WDR81: variants seen among roughly 807,000 people sequenced by gnomAD.
WDR81 encodes the protein WD repeat domain 81, also known as WD repeat-containing protein 81.
A neutral mutation model predicts 140.8 loss-of-function variants in WDR81; 92 were observed. The observed-to-expected ratio is 0.65, with a 90% CI of 0.55 to 0.78. The LOEUF is 0.78. Ranked by LOEUF, WDR81 falls within the 30% of genes least tolerant of loss-of-function variation. WDR81 has a pLI of 0.00. For synonymous variants in WDR81, 1,183 were observed against 1,156.4 expected (o/e 1.02, Z -0.47); for missense variants, 2,502 against 2,636.4 (o/e 0.95, Z 1.12).
chr17:1,734,206 C>T lies in WDR81; in HGVS notation c.5169C>T (p.Asp1723=). ...GTGACGGGGCTGTGCACGTCTGGGA[C>T]CCCTTCACAGGTGAGCGGGCCCAGG... is the stretch of plus-strand genomic sequence containing the variant. The part of the protein sequence containing the change: ...VSCDGAVHVW[D]PFTGKTLRTV... The change falls in exon 7 of 10, where the codon GAC becomes GAT. Residue 1723 remains aspartate (D), a synonymous_variant. Transcript: ENST00000409644. The T allele has an allele frequency of 1.3e-6, 2 of 1,587,000 alleles. No individual in the cohort carries two copies. The highest frequency in any genetic ancestry group is 1.7e-6 in the Non-Finnish European group (2 of 1,172,506).
At position 1,734,163 on chromosome 17, in the gene WDR81, C is replaced by T. The variant is rs1434874803; in HGVS notation, c.5126C>T (p.Pro1709Leu). 1.3e-5 allele frequency: 21 copies of T among 1,598,008 alleles called. No homozygotes were observed. Among genetic ancestry groups the T allele is most frequent in the East Asian group, 4.5e-5 (2 of 44,872 alleles). Residue 1709 changes from proline (P) to leucine (L), a missense_variant, in exon 7 of 10, where the codon CCG becomes CTG. By Grantham distance (98) the Pro-to-Leu change is moderately conservative. Transcript: ENST00000409644. The stretch of plus-strand genomic sequence containing the variant: ...TTCTTCGTGGGCCAGCTTGAGGCCC[C>T]GCAGCACGTGGTGAGCTGTGACGGG... Reference protein sequence around the residue: ...SVFFVGQLEAPQHVVSCDGAV... With the variant: ...SVFFVGQLEALQHVVSCDGAV...
chr17:1,737,106 G>T (rs1449358670), intron 9 of WDR81, among the ~76,000 whole-genome samples: 2 of 152,192 alleles, frequency 1.3e-5, no homozygotes, highest in Non-Finnish European at 1.5e-5. Flanking sequence ...TGTTACGAAG[G>T]TCAAGGTCGT....
In WDR81 at chr17:1,727,774, G is replaced by A. The variant is rs1437058552; in HGVS notation, c.2815G>A (p.Val939Met). ...ACTCATGTCCGAGGAGCACACAGCT[G>A]TGTACACGGCCTGGTATCTGTTTGA... ...LSLMSEEHTA[V>M]YTAWYLFEPV... Residue 939 changes from valine (V) to methionine (M), a missense_variant, in exon 1 of 10, where the codon GTG becomes ATG. By Grantham distance (21) the Val-to-Met change is conservative. Transcript: ENST00000409644. 8 of 1,550,736 alleles carry A rather than the reference G, an allele frequency of 5.2e-6. No homozygotes were observed. Among genetic ancestry groups the A allele is most frequent in the Non-Finnish European group, 7.0e-6 (8 of 1,147,010 alleles).
chr17:1,732,237 A>G, intron 4 of WDR81, 88 bp from the exon 5 acceptor site: 2 of 1,521,984 alleles, frequency 1.3e-6, no homozygotes, highest in Non-Finnish European at 8.8e-7. Flanking sequence ...ACTCCATCTC[A>G]ATAAAAATAA....
chr17:1,717,854 T>A (rs1249647929), intron 1 of WDR81, among the ~76,000 whole-genome samples: 1 of 152,216 alleles, frequency 6.6e-6, no homozygotes, highest in East Asian at 1.9e-4. Flanking sequence ...TCAGACTCTG[T>A]GGTCTAGACC....
In WDR81 at chr17:1,728,767, C is replaced by G. The variant is rs901304196; in HGVS notation, c.3667+141C>G. ...CAGGAGATCGAGACCATCCTAATAA[C>G]AAGGTGAAACCCCGTCTCTACTAAA... is the stretch of plus-strand genomic sequence containing the variant. On this transcript the variant is annotated intron_variant, in intron 1 of 9. Transcript: ENST00000409644. The G allele has an allele frequency of 1.3e-5, 15 of 1,140,220 alleles. No individual in the cohort carries two copies. The South Asian group carries it at 4.2e-4, about 32-fold the overall frequency. 70.6% of individuals were successfully genotyped at this position (1,140,220 alleles called of 1,614,324 possible).
chr17:1,732,591 G>A, intron 5 of WDR81, 75 bp from the exon 6 acceptor site: 2 of 1,571,996 alleles, frequency 1.3e-6, no homozygotes, highest in Non-Finnish European at 1.7e-6. Flanking sequence ...GGACTCCGCG[G>A]GCCGTGGCGA....
rs1025023500 is a variant in WDR81, at chr17:1,725,479, T to C, written c.520T>C (p.Leu174=). 2.6e-6 allele frequency: 4 copies of C among 1,548,356 alleles called. No individual in the cohort carries two copies. The highest frequency in any genetic ancestry group is 2.4e-5 in the South Asian group (2 of 84,068). ...CCCTGCCCCCTCAGCTGTCCCTGCC[T>C]TGGACTCAGTACGGCAGGCTCTGCA... is the stretch of plus-strand genomic sequence containing the variant. ...HSPAPSAVPA[L]DSVRQALQRV... Residue 174 remains leucine (L), a synonymous_variant, in exon 1 of 10, where the codon TTG becomes CTG. Transcript: ENST00000409644.
upstream of WDR81, among the ~76,000 whole-genome samples, chr17:1,721,659 A>C (rs1366604938): frequency 1.3e-5 from 2 of 150,712 alleles, no homozygotes. Flanking sequence ...TGGTTACTAC[A>C]AAAATACAAA....
In WDR81 at chr17:1,731,151, G is replaced by T. The variant is rs757984808; in HGVS notation, c.4050G>T (p.Gln1350His). 6.2e-7 allele frequency: 1 copy of T among 1,613,442 alleles called. No individual in the cohort carries two copies. The highest frequency in any genetic ancestry group is 8.5e-7 in the Non-Finnish European group (1 of 1,180,016). ...TGCTGGCCGCGGTGACGCTGACTCA[G>T]AAGATCATCGTGTACCTCTCAGACA... ...AGLLAAVTLTQKIIVYLSDTT... is the reference protein window; with the variant it reads ...AGLLAAVTLTHKIIVYLSDTT... Residue 1350 changes from glutamine (Q) to histidine (H), a missense_variant, in exon 4 of 10, where the codon CAG (glutamine) becomes CAT (histidine). Gln to His is a conservative substitution (Grantham distance 24, BLOSUM62 0). This residue lies in a region of WDR81 where 1,737 missense variants were observed against 1,843.0 expected (regional missense o/e 0.94). Coordinates refer to ENST00000409644, the MANE Select transcript of WDR81 (RefSeq NM_001163809.2).
chr17:1,721,215 T>C (rs549778881), upstream of WDR81, among the ~76,000 whole-genome samples: 6 of 152,132 alleles, frequency 3.9e-5, no homozygotes, highest in African/African-American at 1.4e-4. Context: ...AAAATTTAGC[T>C]AGGCGTGGTA....
In WDR81 at chr17:1,736,116, C is replaced by T. The variant is rs562661771; in HGVS notation, c.5403C>T (p.Val1801=). The change falls in exon 9 of 10, where the codon GTC becomes GTT. Residue 1801 remains valine, a synonymous_variant. Coordinates refer to ENST00000409644, the MANE Select transcript of WDR81 (RefSeq NM_001163809.2). Reference sequence around the variant, plus strand: ...CCATCAGCCCCAGTGGCCGTAGTGTCGTGGCCGGCTTCTCCTCAGGCTTCA... The same window carrying T: ...CCATCAGCCCCAGTGGCCGTAGTGTTGTGGCCGGCTTCTCCTCAGGCTTCA... ...ALAISPSGRS[V]VAGFSSGFMV... 8.0e-5 allele frequency: 128 copies of T among 1,602,682 alleles called. 1 individual carries two copies. Among genetic ancestry groups the T allele is most frequent in the African/African-American group, 4.4e-4 (33 of 75,048 alleles).
upstream of WDR81, among the ~76,000 whole-genome samples, chr17:1,721,733 G>A (rs1914875688): frequency 6.6e-6 from 1 of 151,048 alleles, no homozygotes. Context: ...GAGGTGGGAA[G>A]TTCACCTGAG....
chr17:1,716,667 C>A (rs548885778), intron 1 of WDR81: 2 of 1,551,004 alleles, frequency 1.3e-6, no homozygotes, highest in South Asian at 2.4e-5. Context: ...GCTCGGAATC[C>A]AGCCCGGGGA....
In WDR81 at chr17:1,734,134, C is replaced by T. The variant is rs190901045; in HGVS notation, c.5097C>T (p.Ser1699=). The change falls in exon 7 of 10, where the codon AGC becomes AGT. Residue 1699 remains serine (S), a synonymous_variant. Transcript: ENST00000409644. The stretch of plus-strand genomic sequence containing the variant: ...TCGTCTACACCCAGCACCGCAAGAG[C>T]GTCTTCTTCGTGGGCCAGCTTGAGG... ...PRLVYTQHRK[S]VFFVGQLEAP... is the part of the protein sequence containing the mutation. 6.9e-6 allele frequency: 11 copies of T among 1,599,556 alleles called. No individual in the cohort carries two copies. In the African/African-American group the frequency reaches 8.0e-5, roughly 12 times the overall value.
intron 6 of WDR81, 195 bp downstream of exon 6, chr17:1,733,026 A>G: frequency 1.5e-6 from 1 of 666,540 alleles, no homozygotes; most frequent in African/African-American, 1.8e-5. Flanking sequence ...AGCCAGCAAG[A>G]GAGGCCCAGA....
rs762821713 is a variant in WDR81 at position 1,734,080 on chromosome 17, C to T, written c.5043C>T (p.Gly1681=). Reference sequence around the variant, plus strand: ...GCCTCTGGCCGCTGTACAACTACGGCGACGGGACCAGCGAGACGGCCCCAC... The same window carrying T: ...GCCTCTGGCCGCTGTACAACTACGGTGACGGGACCAGCGAGACGGCCCCAC... ...TVRLWPLYNY[G]DGTSETAPRL... The change falls in exon 7 of 10, where the codon GGC becomes GGT. Residue 1681 remains glycine, a synonymous_variant. Coordinates refer to ENST00000409644, the MANE Select transcript of WDR81 (RefSeq NM_001163809.2). 55 of 1,603,876 alleles carry T rather than the reference C, an allele frequency of 3.4e-5. No homozygotes were observed. The highest frequency in any genetic ancestry group is 1.3e-4 in the African/African-American group (10 of 74,908).
Position 1,736,244 on chromosome 17 carries a change from T to A in WDR81, c.5505+26T>A, listed in dbSNP as rs776487138. On this transcript the variant is annotated intron_variant, in intron 9 of 9. Transcript: ENST00000409644. ...GTGACGGGCCGGGTCTCCCTCCCCT[T>A]GCTGCCCAACCCCCGCCCCTGTCCA... The A allele has an allele frequency of 6.9e-6, 11 of 1,586,000 alleles. No individual in the cohort carries two copies. In the South Asian group the frequency reaches 1.2e-4, roughly 18 times the overall value.
In WDR81 at chr17:1,732,815, C is replaced by T. The variant is rs746431980; in HGVS notation, c.4473C>T (p.Pro1491=). Residue 1491 remains proline, a synonymous_variant, in exon 6 of 10, where the codon CCC becomes CCT. Coordinates refer to ENST00000409644, the MANE Select transcript of WDR81 (RefSeq NM_001163809.2). ...AGATGGCATACACAATCTACGTGCCCTTCTCCTGCCTGTTGGGTACTGCCC... is the reference window on the plus strand; with the variant it reads ...AGATGGCATACACAATCTACGTGCCTTTCTCCTGCCTGTTGGGTACTGCCC... The part of the protein sequence containing the change: ...TLEMAYTIYV[P]FSCLLGDIIR... The T allele has an allele frequency of 4.7e-5, 76 of 1,609,540 alleles. No homozygotes were observed. The highest frequency in any genetic ancestry group is 8.4e-5 in the Admixed American group (5 of 59,584).
Sources: allele counts gnomAD v4.1 joint callset (sites outside exome capture counted in the v4.1 genomes callset), GRCh38; gene constraint gnomAD v4.1.1; regional missense constraint gnomAD v4.1.1; transcripts MANE v1.5; gene names NCBI Gene and HGNC (gene_info 2026-07-23, HGNC 2026-07-21).